MARCHF1: variants seen among roughly 807,000 people sequenced by gnomAD.
MARCHF1 encodes membrane associated ring-CH-type finger 1, also known as E3 ubiquitin-protein ligase MARCHF1.
Under a neutral mutation model 54.2 loss-of-function variants are expected in MARCHF1, and 40 were observed. The ratio of observed to expected loss-of-function variants is 0.74; its 90% CI spans 0.57 to 0.96. The LOEUF is 0.96. Ranked by LOEUF, MARCHF1 falls within the 40% of genes least tolerant of loss-of-function variation. The pLI is 0.00. For missense variants in MARCHF1, 586 were observed against 656.5 expected (o/e 0.89, Z 1.17); for synonymous variants, 236 against 236.3 (o/e 1.00, Z 0.01).
At chr4:164,091,806 G>A (rs1755307889) in intron 2 of MARCHF1, among the ~76,000 whole-genome samples, 1 of 151,624 alleles carries the variant, frequency 6.6e-6, no homozygotes, top group Non-Finnish European at 1.5e-5. Context: ...TTGACTAAAG[G>A]AAATATCTAA....
intron 8 of MARCHF1, among the ~76,000 whole-genome samples, chr4:163,549,964 G>A (rs550993059): frequency 6.6e-6 from 1 of 152,306 alleles, no homozygotes. Context: ...TACCAGTGAA[G>A]AATAAAGGCA....
chr4:163,762,263 A>G (rs751158182), intron 4 of MARCHF1, among the ~76,000 whole-genome samples: 1 of 152,176 alleles, frequency 6.6e-6, no homozygotes, highest in Non-Finnish European at 1.5e-5. Context: ...TACGAATAAT[A>G]CACTGGCATT....
At chr4:163,809,477 A>G (rs1748323422) in intron 4 of MARCHF1, among the ~76,000 whole-genome samples, 1 of 152,178 alleles carries the variant, frequency 6.6e-6, no homozygotes, top group African/African-American at 2.4e-5. Flanking sequence ...TGGTAAGAGA[A>G]AATTTCCACA....
chr4:163,635,789 C>CA (rs1560988773), intron 5 of MARCHF1, among the ~76,000 whole-genome samples: 1 of 152,108 alleles, frequency 6.6e-6, no homozygotes, highest in African/African-American at 2.4e-5. Context: ...GACACACAAC[C>CA]AAAAAAGAGA....
In MARCHF1 at chr4:163,608,071, G is replaced by T. The variant is rs151026563; in HGVS notation, c.1010+4200C>A. Reference sequence around the variant, plus strand: ...ACTAAAGCTATCATTCAAAAACTATGTGTTGAGAATGTTCTATCTGCCAGG... The same window carrying T: ...ACTAAAGCTATCATTCAAAAACTATTTGTTGAGAATGTTCTATCTGCCAGG... On this transcript the variant is annotated intron_variant, in intron 7 of 9. Transcript: ENST00000514618. Among the ~76,000 whole-genome samples, 449 of 152,236 alleles carry T rather than the reference G, an allele frequency of 2.9e-3. 4 individuals carry two copies. The highest frequency in any genetic ancestry group is 0.01 in the African/African-American group (431 of 41,566).
At chr4:163,685,947 C>T (rs1164310695) in intron 5 of MARCHF1, among the ~76,000 whole-genome samples, 1 of 152,144 alleles carries the variant, frequency 6.6e-6, no homozygotes. Flanking sequence ...TATGCAGGCT[C>T]TTCCACTAAC....
chr4:163,668,194 G>C (rs1743608941), intron 5 of MARCHF1, among the ~76,000 whole-genome samples: 1 of 152,018 alleles, frequency 6.6e-6, no homozygotes, highest in Admixed American at 6.6e-5. Context: ...CAGTTTTGTG[G>C]GCATAGTCCA....
intron 3 of MARCHF1, among the ~76,000 whole-genome samples, chr4:163,959,688 G>A (rs1752306880): frequency 6.6e-6 from 1 of 151,944 alleles, no homozygotes; most frequent in Non-Finnish European, 1.5e-5. Flanking sequence ...GGACTTAAAT[G>A]TAAAATCTAA....
intron 3 of MARCHF1, among the ~76,000 whole-genome samples, chr4:163,881,381 G>A (rs1478865096): frequency 1.3e-5 from 2 of 152,280 alleles, no homozygotes; most frequent in African/African-American, 4.8e-5. Flanking sequence ...TGAGGCAGGA[G>A]AATCGCTTGA....
chr4:164,180,040 T>C (rs1489443160), intron 1 of MARCHF1, among the ~76,000 whole-genome samples: 1 of 151,164 alleles, frequency 6.6e-6, no homozygotes, highest in African/African-American at 2.4e-5. Flanking sequence ...CTTATCTTTG[T>C]ACTTTGCAAA....
chr4:164,335,311 G>A (rs78845756), intron 1 of MARCHF1, among the ~76,000 whole-genome samples: 2,510 of 152,218 alleles, frequency 0.016, 86 homozygotes, highest in East Asian at 0.13. Flanking sequence ...GCCTCAGCCC[G>A]GTGGCTCACG....
rs181539217 is a variant in MARCHF1, at chr4:163,845,663, A to G, written c.111+8358T>C. Among the ~76,000 whole-genome samples the G allele has an allele frequency of 4.1e-4, 62 of 152,322 alleles. 1 individual carries two copies. The highest frequency in any genetic ancestry group is 1.4e-3 in the African/African-American group (60 of 41,588). On this transcript the variant is annotated intron_variant, in intron 4 of 9. Transcript: ENST00000514618. ...CGGAGGAACTCACAACTTCATTTAT[A>G]TCTAAGTTAAGCACACAGACATGAC...
At chr4:163,994,950 G>T (rs1753045228) in intron 2 of MARCHF1, among the ~76,000 whole-genome samples, 1 of 152,028 alleles carries the variant, frequency 6.6e-6, no homozygotes, top group Admixed American at 6.6e-5. Flanking sequence ...TTACACAGAA[G>T]ACTTCTGTGA....
chr4:163,738,920 C>T (rs779831644), intron 4 of MARCHF1, among the ~76,000 whole-genome samples: 7 of 152,188 alleles, frequency 4.6e-5, no homozygotes, highest in Non-Finnish European at 7.3e-5. Flanking sequence ...AAATGAATGG[C>T]AGCTGCTGCC....
chr4:164,321,594 C>T (rs1342404399), intron 1 of MARCHF1, among the ~76,000 whole-genome samples: 1 of 151,752 alleles, frequency 6.6e-6, no homozygotes, highest in Non-Finnish European at 1.5e-5. Flanking sequence ...AATGGAAAAA[C>T]ATCTAGAAGA....
At chr4:163,725,861 G>C (rs577761359) in intron 4 of MARCHF1, among the ~76,000 whole-genome samples, 1 of 152,160 alleles carries the variant, frequency 6.6e-6, no homozygotes, top group Non-Finnish European at 1.5e-5. Context: ...TACAGTTAAT[G>C]TCTGTTTTTG....
chr4:164,197,129 C>T (rs1355179653), intron 1 of MARCHF1: 18 of 1,606,056 alleles, frequency 1.1e-5, no homozygotes, highest in Non-Finnish European at 1.4e-5. Flanking sequence ...TCCTCCTCTT[C>T]ACCTTCCTCC....
At chr4:163,565,395 T>C (rs188403312) in intron 8 of MARCHF1, among the ~76,000 whole-genome samples, 7 of 152,206 alleles carry the variant, frequency 4.6e-5, no homozygotes, top group African/African-American at 1.4e-4. Context: ...AATGGTTTTC[T>C]AGACAGGAGA....
At chr4:163,552,158 A>G (rs1471882028) in intron 8 of MARCHF1, among the ~76,000 whole-genome samples, 1 of 152,132 alleles carries the variant, frequency 6.6e-6, no homozygotes, top group Non-Finnish European at 1.5e-5. Flanking sequence ...ATGTGAGGGG[A>G]CACTATTTTC....
Sources: gnomAD v4.1 joint callset for allele counts (sites outside exome capture counted in the v4.1 genomes callset) on GRCh38, gnomAD v4.1.1 for gene constraint, MANE v1.5 for transcripts, NCBI Gene and HGNC (gene_info 2026-07-23, HGNC 2026-07-21) for gene names.